SUCLG1: variants seen among roughly 807,000 people sequenced by gnomAD.
SUCLG1 encodes the protein succinate-CoA ligase GDP/ADP-forming subunit alpha.
Under a neutral mutation model 37.3 loss-of-function variants are expected in SUCLG1, and 26 were observed. The ratio of observed to expected loss-of-function variants is 0.70; its 90% CI spans 0.51 to 0.97. SUCLG1 has a LOEUF of 0.97. Ranked by LOEUF, SUCLG1 falls within the 50% of genes least tolerant of loss-of-function variation. The pLI, the probability that SUCLG1 is intolerant of heterozygous loss-of-function variation, is 0.00. For missense variants in SUCLG1, 433 were observed against 432.9 expected (o/e 1.00, Z 0.00); for synonymous variants, 163 against 155.6 (o/e 1.05, Z -0.36).
chr2:84,425,577 G>T lies in SUCLG1; in HGVS notation c.852C>A (p.Ser284=), dbSNP rs759130628. 5.6e-6 allele frequency: 9 copies of T among 1,614,032 alleles called. No homozygotes were observed. The highest frequency in any genetic ancestry group is 7.6e-6 in the Non-Finnish European group (9 of 1,180,034). The part of the protein sequence containing the change: ...NSGPNSKPVV[S]FIAGLTAPPG... ...GAGGAGCAGTTAAACCAGCAATGAA[G>T]GACACTACAGGCTTGGAATTTGGAC... is the stretch of plus-strand genomic sequence containing the variant. Residue 284 remains serine, a synonymous_variant, in exon 8 of 9, where the codon TCC becomes TCA. Coordinates refer to ENST00000393868, the MANE Select transcript of SUCLG1 (RefSeq NM_003849.4).
intron 7 of SUCLG1, among the ~76,000 whole-genome samples, chr2:84,428,379 G>A (rs1672567191): frequency 1.3e-5 from 2 of 152,080 alleles, no homozygotes; most frequent in Non-Finnish European, 2.9e-5. Flanking sequence ...TGAACACAGA[G>A]GTTATATTTT....
In SUCLG1 at chr2:84,444,552, C is replaced by T. The variant is rs185082320; in HGVS notation, c.202-1152G>A. Among the ~76,000 whole-genome samples the T allele has an allele frequency of 3.0e-4, 45 of 152,168 alleles. No individual in the cohort carries two copies. The Middle Eastern group carries it at 0.01, about 35-fold the overall frequency. On this transcript the variant is annotated intron_variant, in intron 2 of 8. Coordinates refer to ENST00000393868, the MANE Select transcript of SUCLG1 (RefSeq NM_003849.4). ...GGACCACAGGACCACAGGACCGGGG[C>T]GAAATTAAAATTGCTAATGAAGTTT...
intron 2 of SUCLG1, among the ~76,000 whole-genome samples, chr2:84,447,317 A>AAT (rs1672865598): frequency 6.6e-6 from 1 of 152,214 alleles, no homozygotes; most frequent in Non-Finnish European, 1.5e-5. Flanking sequence ...AACAAAAAAA[A>AAT]GGAGAGTGAA....
At chr2:84,449,876 C>A (rs1316801829) in intron 1 of SUCLG1, 124 bp from the exon 2 acceptor site, 2 of 654,434 alleles carry the variant, frequency 3.1e-6, no homozygotes, top group Non-Finnish European at 5.3e-6. Context: ...ATCCTGTGAT[C>A]ACGGCAAACC....
At position 84,440,051 on chromosome 2, in the gene SUCLG1, C is replaced by T. The variant is rs114875262; in HGVS notation, c.589+996G>A. 4.3e-3 allele frequency among the ~76,000 whole-genome samples: 650 copies of T among 152,218 alleles called. 6 individuals carry two copies. Among genetic ancestry groups the T allele is most frequent in the African/African-American group, 0.014 (596 of 41,536 alleles). On this transcript the variant is annotated intron_variant, in intron 5 of 8. Coordinates refer to ENST00000393868, the MANE Select transcript of SUCLG1 (RefSeq NM_003849.4). The stretch of plus-strand genomic sequence containing the variant: ...GGACACTCAAAACCACAAGAGATAC[C>T]ATTTTACTCTCAGTAGAATGGCTAC...
intron 2 of SUCLG1, chr2:84,448,798 TTG>T (rs1672889737): frequency 5.7e-6 from 1 of 176,832 alleles, no homozygotes; most frequent in Non-Finnish European, 1.3e-5. Context: ...GAAATATGGA[TTG>T]TATATATATT....
chr2:84,433,061 A>T (rs1672633339), intron 6 of SUCLG1: 1 of 459,792 alleles, frequency 2.2e-6, no homozygotes, highest in Non-Finnish European at 4.0e-6. Context: ...AATATAAGGA[A>T]CCATTTCTTC....
chr2:84,430,461 G>C (rs1179213761), intron 7 of SUCLG1, among the ~76,000 whole-genome samples: 1 of 152,160 alleles, frequency 6.6e-6, no homozygotes, highest in Non-Finnish European at 1.5e-5. Context: ...GAGAGAATGA[G>C]GGTAAACCTG....
chr2:84,441,475 C>G lies in SUCLG1; in HGVS notation c.319-16G>C. The G allele has an allele frequency of 6.2e-7, 1 of 1,611,888 alleles. No homozygotes were observed. Among genetic ancestry groups the G allele is most frequent in the Non-Finnish European group, 8.5e-7 (1 of 1,178,492 alleles). On this transcript the variant is annotated splice_polypyrimidine_tract_variant and intron_variant, in intron 3 of 8. Transcript: ENST00000393868. ...GTTCTTTGGCCTGAAACATTAACGA[C>G]GAAGCACCTTATTATTTGTTAAATC...
intron 1 of SUCLG1, among the ~76,000 whole-genome samples, chr2:84,454,690 TGA>T (rs1558615850): frequency 2.6e-5 from 4 of 152,190 alleles, no homozygotes; most frequent in African/African-American, 9.7e-5. Context: ...CTGAGTAATC[TGA>T]GAGAGATGTG....
chr2:84,439,711 C>T (rs1402109331), intron 5 of SUCLG1, among the ~76,000 whole-genome samples: 4 of 152,290 alleles, frequency 2.6e-5, no homozygotes, highest in East Asian at 3.9e-4. Flanking sequence ...AAAATATGGT[C>T]AATCATCTTT....
At chr2:84,457,142 T>C (rs1673032936) in intron 1 of SUCLG1, among the ~76,000 whole-genome samples, 1 of 152,190 alleles carries the variant, frequency 6.6e-6, no homozygotes, top group South Asian at 2.1e-4. Flanking sequence ...TCTGTAGCTC[T>C]ATTAGCTTCA....
At chr2:84,431,743 G>A in intron 6 of SUCLG1, 84 bp from the exon 7 acceptor site, 1 of 1,435,304 alleles carries the variant, frequency 7.0e-7, no homozygotes. Context: ...TAACTAGTTT[G>A]TCATTTTTCT....
intron 3 of SUCLG1, 112 bp downstream of exon 3, chr2:84,443,172 T>G (rs1672800187): frequency 1.0e-6 from 1 of 982,640 alleles, no homozygotes; most frequent in Admixed American, 1.7e-5. Context: ...GTTACTGAAT[T>G]TTCAAATAGC....
intron 8 of SUCLG1, among the ~76,000 whole-genome samples, 193 bp downstream of exon 8, chr2:84,425,222 A>G (rs539967632): frequency 6.6e-6 from 1 of 152,380 alleles, no homozygotes; most frequent in Non-Finnish European, 1.5e-5. Flanking sequence ...AAGCTTTAAA[A>G]TAAGAACATT....
chr2:84,441,557 A>C (rs1327148128), intron 3 of SUCLG1, 98 bp from the exon 4 acceptor site: 1 of 1,297,448 alleles, frequency 7.7e-7, no homozygotes, highest in Non-Finnish European at 1.1e-6. Context: ...TGGGGTAAGA[A>C]AAGGACACTA....
At position 84,454,358 on chromosome 2, in the gene SUCLG1, T is replaced by G. The variant is rs565718365; in HGVS notation, c.98-4606A>C. 4.5e-4 allele frequency among the ~76,000 whole-genome samples: 69 copies of G among 152,376 alleles called. 1 individual carries two copies. The highest frequency in any genetic ancestry group is 1.6e-3 in the African/African-American group (66 of 41,588). On this transcript the variant is annotated intron_variant, in intron 1 of 8. Transcript: ENST00000393868. Reference sequence around the variant, plus strand: ...CCTCACTGTAAAACACGGACAATAATAGTATCTCCTTCATAGGCTGATGTG... The same window carrying G: ...CCTCACTGTAAAACACGGACAATAAGAGTATCTCCTTCATAGGCTGATGTG...
intron 2 of SUCLG1, among the ~76,000 whole-genome samples, chr2:84,446,328 T>C (rs1055402655): frequency 6.6e-6 from 1 of 152,240 alleles, no homozygotes; most frequent in African/African-American, 2.4e-5. Flanking sequence ...ATGTCCACTT[T>C]GTTCATTGCA....
At chr2:84,447,311 A>AC (rs55726627) in intron 2 of SUCLG1, among the ~76,000 whole-genome samples, 10 of 148,238 alleles carry the variant, frequency 6.7e-5, no homozygotes, top group Non-Finnish European at 1.2e-4. Context: ...AAAAACAACA[A>AC]AAAAAAGGAG....
Sources: gnomAD v4.1 joint callset for allele counts (sites outside exome capture counted in the v4.1 genomes callset) on GRCh38, gnomAD v4.1.1 for gene constraint, MANE v1.5 for transcripts, NCBI Gene and HGNC (gene_info 2026-07-23, HGNC 2026-07-21) for gene names.